Variants in ABRAXAS2 observed in about 807,000 individuals in gnomAD.
The protein encoded by ABRAXAS2 is BRISC complex subunit Abraxas 2.
ABRAXAS2 carries 23 observed loss-of-function variants against 49.0 expected under a neutral mutation model. That is an observed-to-expected ratio of 0.47 (90% CI 0.34 to 0.66). The LOEUF is 0.66. Ranked by LOEUF, ABRAXAS2 falls within the 30% of genes least tolerant of loss-of-function variation. The probability of loss-of-function intolerance (pLI) is 0.01; values close to 1 mark genes in which losing one functional copy is unlikely to be tolerated. For synonymous variants in ABRAXAS2, 168 were observed against 180.2 expected, an observed-to-expected ratio of 0.93 and a Z score of 0.54; for missense variants, 443 against 511.9, an observed-to-expected ratio of 0.87 and a Z score of 1.30.
chr10:124,832,774 G>A (rs1950941068), intron 8 of ABRAXAS2, among the ~76,000 whole-genome samples: 1 of 151,806 alleles, frequency 6.6e-6, no homozygotes, highest in South Asian at 2.1e-4. Flanking sequence ...AACCTGGGAG[G>A]TGGAGGTTGC....
intron 2 of ABRAXAS2, chr10:124,815,210 A>G (rs1950815656): frequency 1.3e-5 from 2 of 149,446 alleles, no homozygotes; most frequent in Admixed American, 6.7e-5. Context: ...TTTTTTTTTA[A>G]TTGAGACGGA....
At chr10:124,831,580 C>G (rs1386595186) in intron 8 of ABRAXAS2, 117 bp downstream of exon 8, 3 of 571,230 alleles carry the variant, frequency 5.3e-6, no homozygotes, top group Non-Finnish European at 8.9e-6. Flanking sequence ...TCAGATTAGC[C>G]TGGCTGGGGC....
At chr10:124,832,582 C>T (rs940068244) in intron 8 of ABRAXAS2, among the ~76,000 whole-genome samples, 6 of 152,192 alleles carry the variant, frequency 3.9e-5, no homozygotes, top group African/African-American at 9.7e-5. Context: ...CGGTGGCTCA[C>T]GCCTGTAATC....
intron 8 of ABRAXAS2, among the ~76,000 whole-genome samples, chr10:124,833,026 A>T (rs930131837): frequency 6.6e-6 from 1 of 150,818 alleles, no homozygotes; most frequent in Non-Finnish European, 1.5e-5. Context: ...GGCACCTGTA[A>T]TCCCAGCTAC....
intron 8 of ABRAXAS2, among the ~76,000 whole-genome samples, chr10:124,832,885 C>T (rs1950942081): frequency 1.3e-5 from 2 of 151,686 alleles, no homozygotes; most frequent in Non-Finnish European, 2.9e-5. Flanking sequence ...TGCTGGCTCA[C>T]ACGTGTAATC....
At chr10:124,834,021 C>G (rs1349392872) in intron 8 of ABRAXAS2, among the ~76,000 whole-genome samples, 1 of 152,080 alleles carries the variant, frequency 6.6e-6, no homozygotes, top group Non-Finnish European at 1.5e-5. Context: ...ATAAAGAAAT[C>G]GGTTTTTTGA....
intron 2 of ABRAXAS2, among the ~76,000 whole-genome samples, chr10:124,808,573 G>A (rs1950763579): frequency 6.6e-6 from 1 of 152,178 alleles, no homozygotes; most frequent in South Asian, 2.1e-4. Context: ...GAGCTGCGGG[G>A]AGGATTAGAC....
intron 1 of ABRAXAS2, among the ~76,000 whole-genome samples, chr10:124,803,256 C>T (rs543773788): frequency 1.3e-5 from 2 of 152,288 alleles, no homozygotes; most frequent in African/African-American, 2.4e-5. Flanking sequence ...CTCTGCAAGG[C>T]GTGGTGCTTG....
chr10:124,814,178 A>T (rs1950808472), intron 2 of ABRAXAS2, among the ~76,000 whole-genome samples: 1 of 151,866 alleles, frequency 6.6e-6, no homozygotes, highest in Non-Finnish European at 1.5e-5. Flanking sequence ...TTTAGTAGAG[A>T]TGGGGTTTCA....
chr10:124,816,681 G>A (rs1312869969), intron 3 of ABRAXAS2, 69 bp downstream of exon 3: 2 of 1,155,320 alleles, frequency 1.7e-6, no homozygotes, highest in Admixed American at 1.9e-5. Flanking sequence ...GTGAATTTTG[G>A]CCTGTAGCTG....
At chr10:124,834,362 T>C in intron 8 of ABRAXAS2, 140 bp from the exon 9 acceptor site, 2 of 667,600 alleles carry the variant, frequency 3.0e-6, no homozygotes, top group South Asian at 3.9e-5. Context: ...TACTATGCAA[T>C]TGTAAAATAA....
At chr10:124,823,890 A>T (rs941562480) in intron 4 of ABRAXAS2, among the ~76,000 whole-genome samples, 1 of 152,174 alleles carries the variant, frequency 6.6e-6, no homozygotes, top group Non-Finnish European at 1.5e-5. Flanking sequence ...TCCTTCATTG[A>T]TGAGAATGAC....
At chr10:124,813,550 C>T (rs1008283373) in intron 2 of ABRAXAS2, among the ~76,000 whole-genome samples, 2 of 152,196 alleles carry the variant, frequency 1.3e-5, no homozygotes. Context: ...GCACAAGAAA[C>T]TCTGGAAATT....
intron 7 of ABRAXAS2, among the ~76,000 whole-genome samples, chr10:124,830,365 G>C (rs1252520581): frequency 6.6e-6 from 1 of 152,200 alleles, no homozygotes; most frequent in Non-Finnish European, 1.5e-5. Context: ...AGGATTGCTT[G>C]AGTACAGGAG....
intron 1 of ABRAXAS2, 27 bp downstream of exon 1, chr10:124,801,928 C>T: frequency 6.2e-7 from 1 of 1,605,762 alleles, no homozygotes; most frequent in Non-Finnish European, 8.5e-7. Context: ...CTGCCGCGCC[C>T]GCTGGGGGCT....
At chr10:124,804,361 A>G (rs1950726302) in intron 1 of ABRAXAS2, among the ~76,000 whole-genome samples, 2 of 152,222 alleles carry the variant, frequency 1.3e-5, no homozygotes, top group South Asian at 4.1e-4. Context: ...TTACAAAATA[A>G]TTATTTGTTA....
chr10:124,819,691 T>C (rs1202119143), intron 4 of ABRAXAS2, among the ~76,000 whole-genome samples: 1 of 151,456 alleles, frequency 6.6e-6, no homozygotes, highest in African/African-American at 2.4e-5. Context: ...TGAGACTTGC[T>C]AGAACCCTGG....
intron 4 of ABRAXAS2, among the ~76,000 whole-genome samples, chr10:124,819,713 G>A (rs1950849286): frequency 6.6e-6 from 1 of 151,684 alleles, no homozygotes; most frequent in Non-Finnish European, 1.5e-5. Context: ...GGCAGAGGTT[G>A]CAGTGAGCCA....
At chr10:124,833,947 T>C (rs1328207209) in intron 8 of ABRAXAS2, among the ~76,000 whole-genome samples, 1 of 152,120 alleles carries the variant, frequency 6.6e-6, no homozygotes, top group Non-Finnish European at 1.5e-5. Context: ...TAAAGGCGTA[T>C]AAGTGTATTA....
Sources: allele counts gnomAD v4.1 joint callset (sites outside exome capture counted in the v4.1 genomes callset), GRCh38; gene constraint gnomAD v4.1.1; transcripts MANE v1.5; gene names NCBI Gene and HGNC (gene_info 2026-07-23, HGNC 2026-07-21).